CCDC171: variants seen among roughly 807,000 people sequenced by gnomAD.
CCDC171 encodes the protein coiled-coil domain-containing protein 171.
Under a neutral mutation model 168.2 loss-of-function variants are expected in CCDC171, and 177 were observed. That is an observed-to-expected ratio of 1.05 (90% CI 0.93 to 1.19). CCDC171 has a LOEUF of 1.19. CCDC171 is among the 50% of genes most tolerant of loss of function. The probability of loss-of-function intolerance (pLI) is 0.00; values close to 1 mark genes in which losing one functional copy is unlikely to be tolerated. For missense variants in CCDC171, 1,991 were observed against 1,539.0 expected (o/e 1.29, Z -4.91); for synonymous variants, 687 against 540.8 (o/e 1.27, Z -3.75).
At chr9:16,092,402 T>G in the CCDC171 span, among the ~76,000 whole-genome samples, 4 of 152,146 alleles carry the variant, frequency 2.6e-5, no homozygotes, top group Non-Finnish European at 4.4e-5. Context: ...CAGGTGAGTC[T>G]GACAGAGTTG....
chr9:15,725,189 G>T (rs769391062), intron 14 of CCDC171, among the ~76,000 whole-genome samples: 4 of 151,964 alleles, frequency 2.6e-5, no homozygotes, highest in Non-Finnish European at 4.4e-5. Flanking sequence ...AATTTTTTTT[G>T]TTTATCATGT....
At chr9:15,728,850 T>A (rs938667693) in intron 15 of CCDC171, among the ~76,000 whole-genome samples, 1 of 148,468 alleles carries the variant, frequency 6.7e-6, no homozygotes, top group Admixed American at 6.8e-5. Flanking sequence ...TCCCGTAAGT[T>A]AAAAAAAAAA....
chr9:15,899,799 A>G (rs115283948), intron 24 of CCDC171, among the ~76,000 whole-genome samples: 1,836 of 151,882 alleles, frequency 0.012, 37 homozygotes, highest in African/African-American at 0.042. Flanking sequence ...TTTCTCTGTC[A>G]TTTACTCTTT....
chr9:15,918,497 T>A (rs969375065), intron 24 of CCDC171, among the ~76,000 whole-genome samples: 1 of 151,214 alleles, frequency 6.6e-6, no homozygotes, highest in African/African-American at 2.4e-5. Flanking sequence ...CATGAATTTA[T>A]AAGAATTGAG....
chr9:15,745,794 G>C (rs2055231624), intron 18 of CCDC171, among the ~76,000 whole-genome samples, 163 bp downstream of exon 18: 1 of 152,044 alleles, frequency 6.6e-6, no homozygotes, highest in Non-Finnish European at 1.5e-5. Context: ...ACTTAATGAT[G>C]TAAATTAATA....
intron 6 of CCDC171, among the ~76,000 whole-genome samples, chr9:15,604,283 T>A (rs1279530624): frequency 6.6e-6 from 1 of 152,214 alleles, no homozygotes; most frequent in Non-Finnish European, 1.5e-5. Context: ...TTTTTGCTTC[T>A]GTTGCAATTG....
rs2054840309 is a variant in CCDC171, at chr9:15,740,986, A to AT, written c.2050-3281dup. On this transcript the variant is annotated intron_variant, in intron 16 of 25. Coordinates refer to ENST00000380701, the MANE Select transcript of CCDC171 (RefSeq NM_173550.4). ...ATATTTAAAACTTTTCCTCATATAGATTTTTTACATTTCAGGCCAAATTGA... is the reference window on the plus strand; with the variant it reads ...ATATTTAAAACTTTTCCTCATATAGATTTTTTTACATTTCAGGCCAAATTGA... Among the ~76,000 whole-genome samples the AT allele has an allele frequency of 2.6e-5, 4 of 152,146 alleles. No individual in the cohort carries two copies. In the South Asian group the frequency reaches 8.3e-4, roughly 32 times the overall value.
At chr9:15,635,082 G>T (rs1024306681) in intron 7 of CCDC171, among the ~76,000 whole-genome samples, 4 of 152,128 alleles carry the variant, frequency 2.6e-5, no homozygotes, top group Non-Finnish European at 5.9e-5. Context: ...GTTCTCTAAA[G>T]GGACAGAACT....
chr9:15,942,088 C>A (rs1827797165), intron 25 of CCDC171, among the ~76,000 whole-genome samples: 1 of 151,854 alleles, frequency 6.6e-6, no homozygotes, highest in African/African-American at 2.4e-5. Flanking sequence ...AGTCTCTCCC[C>A]AAACATCCTC....
chr9:16,000,644 T>G (rs1293655648), intron 3 of CCDC171, among the ~76,000 whole-genome samples: 1 of 152,062 alleles, frequency 6.6e-6, no homozygotes, highest in Non-Finnish European at 1.5e-5. Context: ...GACAGGTATG[T>G]CTGTAGATAT....
chr9:16,028,655 C>T (rs1309002852), intron 6 of CCDC171, among the ~76,000 whole-genome samples: 7 of 152,186 alleles, frequency 4.6e-5, no homozygotes, highest in Non-Finnish European at 1.0e-4. Context: ...GGTGTGGCAG[C>T]TCTGAGAATG....
intron 3 of CCDC171, among the ~76,000 whole-genome samples, chr9:16,015,027 G>T (rs981804766): frequency 6.6e-6 from 1 of 152,046 alleles, no homozygotes; most frequent in Non-Finnish European, 1.5e-5. Flanking sequence ...TTAAAAATCT[G>T]TTGGTGTGCT....
At chr9:15,901,159 A>G (rs1821591623) in intron 24 of CCDC171, among the ~76,000 whole-genome samples, 1 of 152,216 alleles carries the variant, frequency 6.6e-6, no homozygotes, top group South Asian at 2.1e-4. Flanking sequence ...TATTGAGAAA[A>G]TGAAAAAGAT....
intron 7 of CCDC171, among the ~76,000 whole-genome samples, chr9:15,643,854 C>CT (rs909812315): frequency 6.6e-6 from 1 of 152,072 alleles, no homozygotes; most frequent in African/African-American, 2.4e-5. Flanking sequence ...ACTTCTTTTA[C>CT]TTTTTTTATA....
At chr9:15,572,503 C>G (rs2040313253) in intron 3 of CCDC171, among the ~76,000 whole-genome samples, 1 of 152,114 alleles carries the variant, frequency 6.6e-6, no homozygotes, top group Non-Finnish European at 1.5e-5. Context: ...CTGCTGGTCC[C>G]AAAGGGTTGT....
chr9:15,973,869 G>C lies in CCDC171; in HGVS notation c.*2033G>C, dbSNP rs997583805. 6.6e-6 allele frequency: 1 copy of C among 152,114 alleles called. No homozygotes were observed. The highest frequency in any genetic ancestry group is 1.5e-5 in the Non-Finnish European group (1 of 68,026). The allele number at this position is 152,114 out of a possible 1,614,324, so 9.4% of individuals were successfully genotyped here. On this transcript the variant is annotated 3_prime_UTR_variant, in exon 26 of 26. Transcript: ENST00000380701. ...TACTATATGTAACCTCTATGTCTAA[G>C]TGTTTGTGTGTGTGTATGCTTGTGT... is the stretch of plus-strand genomic sequence containing the variant.
intron 6 of CCDC171, among the ~76,000 whole-genome samples, chr9:15,603,900 C>G (rs954216840): frequency 3.9e-5 from 6 of 152,218 alleles, no homozygotes; most frequent in African/African-American, 1.4e-4. Flanking sequence ...TTCACTGCAA[C>G]CTTGCCAGCA....
In CCDC171 at chr9:15,629,831, G is replaced by A. The variant is rs531653376; in HGVS notation, c.822+6418G>A. 1.4e-4 allele frequency among the ~76,000 whole-genome samples: 22 copies of A among 152,208 alleles called. 1 individual carries two copies. The highest frequency in any genetic ancestry group is 9.6e-4 in the East Asian group (5 of 5,184). On this transcript the variant is annotated intron_variant, in intron 7 of 25. Transcript: ENST00000380701. ...CCATCAGACTAACAGTGGATCTCTC[G>A]GCAGAAACTCTACAAGCCAGAAGAG...
chr9:15,946,332 C>G lies in CCDC171; in HGVS notation c.3754-25277C>G, dbSNP rs192402718. 2.3e-3 allele frequency among the ~76,000 whole-genome samples: 355 copies of G among 152,008 alleles called. 4 individuals are homozygous for G. Among genetic ancestry groups the G allele is most frequent in the Non-Finnish European group, 5.3e-4 (36 of 67,982 alleles). The stretch of plus-strand genomic sequence containing the variant: ...GCAACTTCAGCAAAGTCTCAGGATA[C>G]AAAATCAATGTGCAAAAATCACAAG... On this transcript the variant is annotated intron_variant, in intron 25 of 25. Coordinates refer to ENST00000380701, the MANE Select transcript of CCDC171 (RefSeq NM_173550.4).
Sources: allele counts gnomAD v4.1 joint callset (sites outside exome capture counted in the v4.1 genomes callset), GRCh38; gene constraint gnomAD v4.1.1; transcripts MANE v1.5; gene names NCBI Gene and HGNC (gene_info 2026-07-23, HGNC 2026-07-21).